Variants in CADPS2 observed in about 807,000 individuals in gnomAD.
CADPS2 encodes the protein calcium-dependent secretion activator 2.
In CADPS2, 93 loss-of-function variants were observed where a neutral mutation model predicts 172.5. The observed-to-expected ratio is 0.54, with a 90% confidence interval of 0.46 to 0.64. The LOEUF (loss-of-function observed/expected upper bound fraction) is 0.64, where lower values mean the gene tolerates loss of function less well. Among genes scored for constraint, CADPS2 ranks in the 30% least tolerant of loss-of-function variants. The probability of loss-of-function intolerance (pLI) is 0.00; values close to 1 mark genes in which losing one functional copy is unlikely to be tolerated. For missense variants in CADPS2, 1,420 were observed against 1,565.9 expected (o/e 0.91, Z 1.57); for synonymous variants, 546 against 555.2 (o/e 0.98, Z 0.23).
At chr7:122,442,695 A>T (rs1391405819) in intron 15 of CADPS2, among the ~76,000 whole-genome samples, 4 of 152,178 alleles carry the variant, frequency 2.6e-5, no homozygotes, top group Non-Finnish European at 2.9e-5. Flanking sequence ...CAGCAGTTTA[A>T]TTTATATTAG....
At chr7:122,339,884 C>CA (rs1006525108) in intron 28 of CADPS2, among the ~76,000 whole-genome samples, 2 of 151,818 alleles carry the variant, frequency 1.3e-5, no homozygotes, top group African/African-American at 2.4e-5. Flanking sequence ...AAACTCCATC[C>CA]AAAAAAAATA....
At chr7:122,807,836 A>G (rs1799124385) in intron 1 of CADPS2, among the ~76,000 whole-genome samples, 1 of 152,112 alleles carries the variant, frequency 6.6e-6, no homozygotes, top group African/African-American at 2.4e-5. Flanking sequence ...TACCAGTAAG[A>G]CCAGATTAGG....
intron 1 of CADPS2, among the ~76,000 whole-genome samples, chr7:122,788,507 A>C (rs1794559815): frequency 6.6e-6 from 1 of 152,226 alleles, no homozygotes; most frequent in Non-Finnish European, 1.5e-5. Context: ...GCTTTGCCTT[A>C]AACTTACCAA....
At position 122,416,055 on chromosome 7, in the gene CADPS2, C is replaced by A; in HGVS notation, c.2580+6G>T. ...GCTTTATACTACAGTGAAAACAGGT[C>A]ATCACCTCTGCATGATGCTCTTCAT... On this transcript the variant is annotated splice_donor_region_variant and intron_variant, in intron 18 of 29. Transcript: ENST00000449022. 2.0e-6 allele frequency: 3 copies of A among 1,494,940 alleles called. No homozygotes were observed. Among genetic ancestry groups the A allele is most frequent in the South Asian group, 2.5e-5 (2 of 79,484 alleles). 92.6% of individuals were successfully genotyped at this position (1,494,940 alleles called of 1,614,324 possible).
intron 25 of CADPS2, among the ~76,000 whole-genome samples, chr7:122,378,528 T>TAA (rs2042617444): frequency 6.6e-6 from 1 of 152,172 alleles, no homozygotes; most frequent in Non-Finnish European, 1.5e-5. Flanking sequence ...CTATTTTTTC[T>TAA]TTTCTAAACA....
At chr7:122,611,513 A>G (rs190093816) in intron 6 of CADPS2, among the ~76,000 whole-genome samples, 1 of 152,122 alleles carries the variant, frequency 6.6e-6, no homozygotes, top group Admixed American at 6.6e-5. Context: ...TTGCACCAAC[A>G]TAACAGGAAA....
At chr7:122,531,378 G>A (rs769905406) in intron 8 of CADPS2, among the ~76,000 whole-genome samples, 1 of 152,014 alleles carries the variant, frequency 6.6e-6, no homozygotes, top group Non-Finnish European at 1.5e-5. Context: ...CAGCCTCACA[G>A]TCTAGTCATC....
At chr7:122,645,847 G>A (rs1275533816) in intron 3 of CADPS2, among the ~76,000 whole-genome samples, 2 of 149,068 alleles carry the variant, frequency 1.3e-5, no homozygotes, top group Non-Finnish European at 3.0e-5. Context: ...GCAATAATGT[G>A]GCAAATTTTT....
rs1309031705 is a variant in CADPS2, at chr7:122,615,201, C to G, written c.1203G>C (p.Gln401His). 1.9e-6 allele frequency: 3 copies of G among 1,550,174 alleles called. No individual in the cohort carries two copies. Among genetic ancestry groups the G allele is most frequent in the Non-Finnish European group, 2.6e-6 (3 of 1,144,330 alleles). Reference sequence around the variant, plus strand: ...CTTACTGTGGCCTTGAGGCTTCGGCCTGGTCTGTCTGAAGTTTTTCTCCTT... The same window carrying G: ...CTTACTGTGGCCTTGAGGCTTCGGCGTGGTCTGTCTGAAGTTTTTCTCCTT... ...EVEGEKLQTD[Q>H]AEASRPQWGT... The change falls in exon 6 of 30, where the codon CAG becomes CAC. Residue 401 changes from glutamine to histidine, a missense_variant. By Grantham distance (24) the Gln-to-His change is conservative (BLOSUM62 0). Coordinates refer to ENST00000449022, the MANE Select transcript of CADPS2 (RefSeq NM_017954.11).
intron 12 of CADPS2, 94 bp downstream of exon 12, chr7:122,480,758 T>C: frequency 4.9e-6 from 4 of 815,312 alleles, no homozygotes; most frequent in Non-Finnish European, 1.8e-6. Flanking sequence ...AAGTAGGGGA[T>C]TGATCCTGTA....
chr7:122,569,863 C>T (rs1358256514), intron 7 of CADPS2, among the ~76,000 whole-genome samples: 1 of 142,252 alleles, frequency 7.0e-6, no homozygotes, highest in Non-Finnish European at 1.5e-5. Flanking sequence ...CTTCCTTACA[C>T]CTTATACAAA....
intron 17 of CADPS2, among the ~76,000 whole-genome samples, chr7:122,432,364 G>A (rs2050043892): frequency 6.6e-6 from 1 of 152,078 alleles, no homozygotes; most frequent in African/African-American, 2.4e-5. Flanking sequence ...GACAGGCCAG[G>A]CACTGTGGCT....
rs564913110 is a variant in CADPS2, at chr7:122,319,820, C to T, written c.*345G>A. On this transcript the variant is annotated 3_prime_UTR_variant, in exon 30 of 30. Transcript: ENST00000449022. Reference sequence around the variant, plus strand: ...TATGTATCTCGCTTTACACAGAAAACATCATTTTGATGTGATTACAGAAAA... The same window carrying T: ...TATGTATCTCGCTTTACACAGAAAATATCATTTTGATGTGATTACAGAAAA... 1 of 199,048 alleles carries T rather than the reference C, an allele frequency of 5.0e-6. No homozygotes were observed. The highest frequency in any genetic ancestry group is 2.3e-5 in the African/African-American group (1 of 43,050). 12.3% of individuals were successfully genotyped at this position (199,048 alleles called of 1,614,324 possible). A position where few individuals can be genotyped will look rare whatever the true frequency, so the allele number is the denominator to read the frequency against.
intron 9 of CADPS2, among the ~76,000 whole-genome samples, chr7:122,502,546 G>A (rs1351865972): frequency 6.6e-6 from 1 of 151,812 alleles, no homozygotes; most frequent in African/African-American, 2.4e-5. Context: ...TTCACTGGCT[G>A]TATATAACAT....
intron 1 of CADPS2, among the ~76,000 whole-genome samples, chr7:122,801,387 C>T (rs1797616038): frequency 6.6e-6 from 1 of 152,132 alleles, no homozygotes; most frequent in South Asian, 2.1e-4. Flanking sequence ...GATTAAAGGA[C>T]AAAACCCATG....
intron 9 of CADPS2, among the ~76,000 whole-genome samples, chr7:122,492,464 G>T (rs2058380514): frequency 6.6e-6 from 1 of 151,944 alleles, no homozygotes; most frequent in Admixed American, 6.6e-5. Flanking sequence ...GGCCATATTT[G>T]AACAAAATAC....
At chr7:122,327,658 G>A (rs977305873) in intron 28 of CADPS2, among the ~76,000 whole-genome samples, 2 of 151,282 alleles carry the variant, frequency 1.3e-5, no homozygotes, top group Admixed American at 6.6e-5. Context: ...TATATAAAAT[G>A]GTACTTATAA....
chr7:122,578,368 T>C (rs2068328176), intron 7 of CADPS2, among the ~76,000 whole-genome samples: 2 of 152,006 alleles, frequency 1.3e-5, no homozygotes, highest in African/African-American at 2.4e-5. Context: ...GTACAATGTT[T>C]GAGGAAAAGA....
At chr7:122,476,578 A>G (rs1441077789) in intron 12 of CADPS2, among the ~76,000 whole-genome samples, 1 of 152,330 alleles carries the variant, frequency 6.6e-6, no homozygotes, top group Non-Finnish European at 1.5e-5. Flanking sequence ...AATGACACAC[A>G]TGAATGGAAA....
Sources: allele counts gnomAD v4.1 joint callset (sites outside exome capture counted in the v4.1 genomes callset), GRCh38; gene constraint gnomAD v4.1.1; transcripts MANE v1.5; gene names NCBI Gene and HGNC (gene_info 2026-07-23, HGNC 2026-07-21).